Variants in INPP4B observed in about 807,000 individuals in gnomAD.
INPP4B encodes inositol polyphosphate-4-phosphatase type II B, also known as inositol polyphosphate 4-phosphatase type II.
Under a neutral mutation model 122.5 loss-of-function variants are expected in INPP4B, and 55 were observed. The ratio of observed to expected loss-of-function variants is 0.45; its 90% CI spans 0.36 to 0.56. The LOEUF (loss-of-function observed/expected upper bound fraction) is 0.56, where lower values mean the gene tolerates loss of function less well. Among genes scored for constraint, INPP4B ranks in the 20% least tolerant of loss-of-function variants. The pLI is 0.00. For missense variants in INPP4B, 1,000 were observed against 1,097.7 expected (o/e 0.91, Z 1.26); for synonymous variants, 403 against 388.7 (o/e 1.04, Z -0.43).
chr4:142,414,067 T>C (rs943488026), intron 5 of INPP4B, among the ~76,000 whole-genome samples: 2 of 152,212 alleles, frequency 1.3e-5, no homozygotes, highest in Non-Finnish European at 2.9e-5. Flanking sequence ...TTAGAATTCT[T>C]GCCACATTGA....
At chr4:142,253,178 G>C (rs1208909061) in intron 11 of INPP4B, among the ~76,000 whole-genome samples, 1 of 152,190 alleles carries the variant, frequency 6.6e-6, no homozygotes, top group Non-Finnish European at 1.5e-5. Flanking sequence ...TACCATGAAA[G>C]AAGCCTTCAG....
chr4:142,051,740 C>T (rs1439548065), intron 25 of INPP4B, among the ~76,000 whole-genome samples: 4 of 152,026 alleles, frequency 2.6e-5, no homozygotes, highest in Non-Finnish European at 4.4e-5. Flanking sequence ...ATACCACAAT[C>T]GTGATGGGTC....
intron 3 of INPP4B, among the ~76,000 whole-genome samples, chr4:142,462,119 G>A (rs956694018): frequency 1.5e-4 from 22 of 151,248 alleles, no homozygotes; most frequent in African/African-American, 5.1e-4. Flanking sequence ...CATCTGCCTG[G>A]GACTCTATTC....
At chr4:142,039,958 A>G (rs1746297192) in intron 25 of INPP4B, among the ~76,000 whole-genome samples, 1 of 152,016 alleles carries the variant, frequency 6.6e-6, no homozygotes, top group South Asian at 2.1e-4. Context: ...TTTTAGCAGT[A>G]CTGGAAGCAA....
At chr4:142,362,237 G>A (rs961312015) in intron 7 of INPP4B, among the ~76,000 whole-genome samples, 2 of 152,012 alleles carry the variant, frequency 1.3e-5, no homozygotes, top group Non-Finnish European at 2.9e-5. Context: ...GGTTGTGTGT[G>A]AAGAACAGGG....
At chr4:142,255,559 T>C (rs372952103) in intron 11 of INPP4B, among the ~76,000 whole-genome samples, 2 of 152,092 alleles carry the variant, frequency 1.3e-5, no homozygotes, top group Non-Finnish European at 2.9e-5. Context: ...CAATCCTAGT[T>C]TCTGATAAAA....
chr4:142,457,604 A>G (rs1210732539), intron 3 of INPP4B, among the ~76,000 whole-genome samples: 1 of 152,200 alleles, frequency 6.6e-6, no homozygotes, highest in Admixed American at 6.5e-5. Flanking sequence ...CACTACATAC[A>G]TATTAGAATA....
intron 12 of INPP4B, among the ~76,000 whole-genome samples, chr4:142,234,793 T>G (rs2149909983): frequency 6.6e-6 from 1 of 152,300 alleles, no homozygotes; most frequent in South Asian, 2.1e-4. Flanking sequence ...GCAATGGAAC[T>G]TCATATTGGG....
At chr4:142,190,578 T>A (rs902267313) in intron 15 of INPP4B, among the ~76,000 whole-genome samples, 2 of 152,220 alleles carry the variant, frequency 1.3e-5, no homozygotes, top group South Asian at 2.1e-4. Flanking sequence ...CACAAAGTTG[T>A]TTTTTATTTC....
chr4:142,100,835 C>T (rs1784163613), intron 23 of INPP4B, among the ~76,000 whole-genome samples: 1 of 152,068 alleles, frequency 6.6e-6, no homozygotes, highest in Non-Finnish European at 1.5e-5. Context: ...AAAAAATGGC[C>T]ACCTCTGAAG....
At chr4:142,691,702 C>A (rs1302798048) in intron 2 of INPP4B, among the ~76,000 whole-genome samples, 1 of 152,096 alleles carries the variant, frequency 6.6e-6, no homozygotes, top group Non-Finnish European at 1.5e-5. Flanking sequence ...GGGAGTGTGA[C>A]ATGGATCCTT....
chr4:142,711,980 G>A lies in INPP4B; in HGVS notation c.-191+13859C>T, dbSNP rs538581562. Among the ~76,000 whole-genome samples, 4 of 152,274 alleles carry A rather than the reference G, an allele frequency of 2.6e-5. No homozygotes were observed. The East Asian group carries it at 7.7e-4, about 29-fold the overall frequency. On this transcript the variant is annotated intron_variant, in intron 2 of 25. Transcript: ENST00000262992. ...TGAGAATGGCTTGAATGCAGGAGGT[G>A]GAGGTTTCAGTGAGCTGAGATTGTG...
At chr4:142,103,323 G>A (rs1270181454) in intron 23 of INPP4B, among the ~76,000 whole-genome samples, 1 of 151,712 alleles carries the variant, frequency 6.6e-6, no homozygotes, top group African/African-American at 2.4e-5. Context: ...ATTTTATAAT[G>A]TATGTTTTCT....
chr4:142,133,325 T>A (rs978675963), intron 18 of INPP4B, among the ~76,000 whole-genome samples: 1 of 152,208 alleles, frequency 6.6e-6, no homozygotes, highest in Non-Finnish European at 1.5e-5. Context: ...TATATGTAAC[T>A]GCAAACTTGA....
intron 2 of INPP4B, among the ~76,000 whole-genome samples, chr4:142,573,982 G>A (rs1269670705): frequency 6.6e-6 from 1 of 151,820 alleles, no homozygotes; most frequent in African/African-American, 2.4e-5. Flanking sequence ...TCTTTTACTT[G>A]ATTGCCTGAA....
chr4:142,634,603 T>C (rs1438598559), intron 2 of INPP4B, among the ~76,000 whole-genome samples: 1 of 152,184 alleles, frequency 6.6e-6, no homozygotes, highest in Non-Finnish European at 1.5e-5. Context: ...TCTCCATATA[T>C]ATTAAAACAT....
chr4:142,806,578 C>T (rs1049330528), intron 1 of INPP4B, among the ~76,000 whole-genome samples: 4 of 150,128 alleles, frequency 2.7e-5, no homozygotes, highest in African/African-American at 4.9e-5. Context: ...CCCATCTCTA[C>T]AAAAAAATAC....
chr4:142,142,481 A>ATCC (rs1808382026), intron 18 of INPP4B, among the ~76,000 whole-genome samples: 1 of 152,222 alleles, frequency 6.6e-6, no homozygotes, highest in South Asian at 2.1e-4. Context: ...AATAAAATGA[A>ATCC]ACCAGGTTTC....
At chr4:142,353,116 C>T (rs1294398417) in intron 7 of INPP4B, among the ~76,000 whole-genome samples, 1 of 151,730 alleles carries the variant, frequency 6.6e-6, no homozygotes, top group Non-Finnish European at 1.5e-5. Flanking sequence ...TTTTAAAAGT[C>T]CATTATAAAA....
Sources: gnomAD v4.1 joint callset for allele counts (sites outside exome capture counted in the v4.1 genomes callset) on GRCh38, gnomAD v4.1.1 for gene constraint, MANE v1.5 for transcripts, NCBI Gene and HGNC (gene_info 2026-07-23, HGNC 2026-07-21) for gene names.